Variants in MYBBP1A observed in about 807,000 individuals in gnomAD.
The protein encoded by MYBBP1A is myb-binding protein 1A.
In MYBBP1A, 147 loss-of-function variants were observed where a neutral mutation model predicts 136.3. The ratio of observed to expected loss-of-function variants is 1.08; its 90% CI spans 0.94 to 1.24. The LOEUF (loss-of-function observed/expected upper bound fraction) is 1.24. Among genes scored for constraint, MYBBP1A ranks in the 50% most tolerant of loss-of-function variants. The pLI is 0.00. For missense variants in MYBBP1A, 2,060 were observed against 1,727.4 expected (o/e 1.19, Z -3.41); for synonymous variants, 947 against 735.8 (o/e 1.29, Z -4.65).
chr17:4,540,085 C>T (rs1906226665), intron 25 of MYBBP1A, 118 bp from the exon 26 acceptor site: 1 of 1,291,018 alleles, frequency 7.7e-7, no homozygotes, highest in African/African-American at 1.5e-5. Context: ...TTCTGTGAGG[C>T]CCCTATGAGG....
In MYBBP1A at chr17:4,545,308, C is replaced by G. The variant is rs201338762; in HGVS notation, c.2111G>C (p.Arg704Pro). Residue 704 changes from arginine to proline, a missense_variant, in exon 16 of 26, where the codon CGT becomes CCT. Physicochemically the swap from Arg to Pro is moderately radical, Grantham distance 103. Coordinates refer to ENST00000254718, the MANE Select transcript of MYBBP1A (RefSeq NM_014520.4). ...ATCAGAATCGTCCGTCACCACCACA[C>G]GGTCATTCTCATCCTCACTGGTCTC... Reference protein sequence around the residue: ...NPETSEDENDRVVVTDDSDER... With the variant: ...NPETSEDENDPVVVTDDSDER... 6.2e-7 allele frequency: 1 copy of G among 1,613,234 alleles called. No individual in the cohort carries two copies. Among genetic ancestry groups the G allele is most frequent in the African/African-American group, 1.3e-5 (1 of 74,836 alleles).
rs1271735182 is a variant in MYBBP1A at position 4,544,533 on chromosome 17, G to T, written c.2595C>A (p.Ser865=). The change falls in exon 19 of 26, where the codon TCC becomes TCA. Residue 865 remains serine (S), a synonymous_variant. Coordinates refer to ENST00000254718, the MANE Select transcript of MYBBP1A (RefSeq NM_014520.4). ...TGTGCAGAAGGTCCTGCTCCTGTTT[G>T]GAGCTGCTGCTGCGCAGGCTGCGCC... is the stretch of plus-strand genomic sequence containing the variant. ...IIRRSLRSSS[S]KQEQDLLHKT... 6.4e-7 allele frequency: 1 copy of T among 1,555,516 alleles called. No homozygotes were observed.
At position 4,555,238 on chromosome 17, in the gene MYBBP1A, C is replaced by T. The variant is rs372801967; in HGVS notation, c.87G>A (p.Leu29=). The part of the protein sequence containing the change: ...GARPADRYGL[L]KHSREFLDFF... Reference sequence around the variant, plus strand: ...AGTCCAAGAACTCGCGACTGTGCTTCAATAGGCCATAGCGGTCGGCAGGCC... The same window carrying T: ...AGTCCAAGAACTCGCGACTGTGCTTTAATAGGCCATAGCGGTCGGCAGGCC... Residue 29 remains leucine (L), a synonymous_variant, in exon 1 of 26, where the codon TTG becomes TTA. Coordinates refer to ENST00000254718, the MANE Select transcript of MYBBP1A (RefSeq NM_014520.4). The T allele has an allele frequency of 1.3e-4, 204 of 1,612,374 alleles. 1 individual carries two copies. Among genetic ancestry groups the T allele is most frequent in the Non-Finnish European group, 9.4e-5 (111 of 1,179,714 alleles).
chr17:4,550,378 A>C, intron 8 of MYBBP1A, 25 bp from the exon 9 acceptor site: 1 of 1,588,968 alleles, frequency 6.3e-7, no homozygotes. Context: ...CATGGCGCTG[A>C]GCCCACCAGC....
Position 4,539,929 on chromosome 17 carries a change from G to A in MYBBP1A, c.3473C>T (p.Pro1158Leu). Residue 1158 changes from proline to leucine, a missense_variant, in exon 26 of 26, where the codon CCC (proline) becomes CTC (leucine). Transcript: ENST00000254718. ...KLEKKDAKEIPSATQSPISKK... is the reference protein window; with the variant it reads ...KLEKKDAKEILSATQSPISKK... The stretch of plus-strand genomic sequence containing the variant: ...ACTGATGGGGCTCTGGGTGGCACTG[G>A]GGATCTCCTTGGCATCCTTCTTCTC... 2 of 1,599,668 alleles carry A rather than the reference G, an allele frequency of 1.3e-6. No homozygotes were observed. The highest frequency in any genetic ancestry group is 2.2e-5 in the South Asian group (2 of 91,076).
rs562856808 is a variant in MYBBP1A, at chr17:4,540,274, G to C, written c.3434+74C>G. ...GCGTGTGCAGCAGCGTGTGTGCAGC[G>C]TGTGTGTGTGTGCAGCAGCGTGAGG... On this transcript the variant is annotated intron_variant, in intron 25 of 25. Transcript: ENST00000254718. The C allele has an allele frequency of 4.3e-6, 6 of 1,388,966 alleles. No individual in the cohort carries two copies. In the African/African-American group the frequency reaches 8.6e-5, roughly 20 times the overall value. 86.0% of individuals were successfully genotyped at this position (1,388,966 alleles called of 1,614,324 possible). A position where few individuals can be genotyped will look rare whatever the true frequency, so the allele number is the denominator to read the frequency against.
rs780518071 is a variant in MYBBP1A, at chr17:4,555,101, C to G, written c.198+26G>C. 4.5e-6 allele frequency: 7 copies of G among 1,565,990 alleles called. No homozygotes were observed. The African/African-American group carries it at 9.5e-5, about 21-fold the overall frequency. ...GCTTCCTTGCCGGGATATGCGCAGC[C>G]TCTGCCCCAGACCCCGCCACTCCAC... On this transcript the variant is annotated intron_variant, in intron 1 of 25. Transcript: ENST00000254718.
At chr17:4,544,674 A>C (rs2144448353) in intron 18 of MYBBP1A, 28 bp from the exon 19 acceptor site, 2 of 1,293,872 alleles carry the variant, frequency 1.5e-6, no homozygotes, top group Non-Finnish European at 1.0e-6. Context: ...GGTCAGCAAC[A>C]CGGGGGTGGG....
Position 4,549,303 on chromosome 17 carries a change from G to A in MYBBP1A, c.1430+29C>T, listed in dbSNP as rs200028507. On this transcript the variant is annotated intron_variant, in intron 10 of 25. Transcript: ENST00000254718. ...CCCATTCCTTGGCCACACGCCCATG[G>A]GAAGCTGGGAATCCAGCACAGCTCG... 1.0e-4 allele frequency: 166 copies of A among 1,599,592 alleles called. 1 individual carries two copies. In the African/African-American group the frequency reaches 1.6e-3, roughly 16 times the overall value.
At position 4,540,537 on chromosome 17, in the gene MYBBP1A, G is replaced by A. The variant is rs139046865; in HGVS notation, c.3298-53C>T. On this transcript the variant is annotated intron_variant, in intron 24 of 25. Transcript: ENST00000254718. ...GGGGCCACAGAGGGCGGGGCCTCTC[G>A]CGGGCTCCCAGTCTTCCCACCTCTG... is the stretch of plus-strand genomic sequence containing the variant. The A allele has an allele frequency of 6.3e-3, 9,642 of 1,520,660 alleles. 50 individuals carry two copies. Among genetic ancestry groups the A allele is most frequent in the Middle Eastern group, 9.2e-3 (39 of 4,224 alleles). The allele number at this position is 1,520,660 out of a possible 1,614,324, so 94.2% of individuals were successfully genotyped here.
intron 13 of MYBBP1A, 86 bp downstream of exon 13, chr17:4,547,872 G>C: frequency 1.7e-6 from 2 of 1,184,934 alleles, no homozygotes; most frequent in Non-Finnish European, 2.3e-6. Context: ...CTGGAAACCC[G>C]CACAGCCCTC....
chr17:4,542,873 T>G, intron 20 of MYBBP1A, 40 bp downstream of exon 20: 2 of 1,609,344 alleles, frequency 1.2e-6, no homozygotes, highest in Non-Finnish European at 1.7e-6. Context: ...TCCCTGGCTG[T>G]GAAATGCCTG....
Position 4,539,729 on chromosome 17 carries a change from T to C in MYBBP1A, c.3673A>G (p.Asn1225Asp), listed in dbSNP as rs775755160. The C allele has an allele frequency of 3.7e-6, 6 of 1,610,302 alleles. No homozygotes were observed. The East Asian group carries it at 1.3e-4, about 36-fold the overall frequency. The change falls in exon 26 of 26, where the codon AAC becomes GAC. Residue 1225 changes from asparagine (N) to aspartate (D), a missense_variant. Transcript: ENST00000254718. Reference protein sequence around the residue: ...RTKAKVPAQANGTPTTKSPAP... With the variant: ...RTKAKVPAQADGTPTTKSPAP... ...GGACTCTTGGTGGTTGGCGTCCCGT[T>C]TGCCTGGGCTGGGACCTTAGCCTTT...
Position 4,547,973 on chromosome 17 carries a change from GC to G in MYBBP1A, c.1808del (p.Gly603AlafsTer46). ...GCCCCAGTACCTTGAGGAGGTGGAT[GC>G]CCACGAGGAGCAGAAGGTGCTGGAA... Reference protein sequence around the residue: ...AAFQHLLLLVGIHLLKSPAES... With the variant: ...AAFQHLLLLVXIHLLKSPAES... On this transcript the variant is annotated frameshift_variant, in exon 13 of 26. Coordinates refer to ENST00000254718, the MANE Select transcript of MYBBP1A (RefSeq NM_014520.4). LOFTEE classifies it high-confidence loss of function. 1 of 1,515,550 alleles carries G rather than the reference GC, an allele frequency of 6.6e-7. No individual in the cohort carries two copies. Among genetic ancestry groups the G allele is most frequent in the Non-Finnish European group, 8.9e-7 (1 of 1,128,420 alleles). 93.9% of individuals were successfully genotyped at this position (1,515,550 alleles called of 1,614,324 possible).
In MYBBP1A at chr17:4,548,067, G is replaced by A. The variant is rs575145370; in HGVS notation, c.1725-10C>T. The A allele has an allele frequency of 2.5e-6, 4 of 1,587,002 alleles. No homozygotes were observed. The highest frequency in any genetic ancestry group is 1.1e-5 in the South Asian group (1 of 88,788). ...CAGAGTCTGCAGCATCCTGCGGGGA[G>A]ACAGGCGATTCCCAGGCCCCTGCAC... is the stretch of plus-strand genomic sequence containing the variant. On this transcript the variant is annotated splice_polypyrimidine_tract_variant and intron_variant, in intron 12 of 25. Coordinates refer to ENST00000254718, the MANE Select transcript of MYBBP1A (RefSeq NM_014520.4). The surrounding 1 kb of genome is among the most constrained non-coding windows in gnomAD (Gnocchi z 4.2).
chr17:4,547,024 G>C (rs1907073733), intron 13 of MYBBP1A, among the ~76,000 whole-genome samples: 2 of 151,400 alleles, frequency 1.3e-5, no homozygotes, highest in Non-Finnish European at 2.9e-5. Context: ...CAATTCTCCT[G>C]CTTCACCCTC....
In MYBBP1A at chr17:4,550,462, G is replaced by A. The variant is rs542135176; in HGVS notation, c.1024-109C>T. 207 of 1,254,186 alleles carry A rather than the reference G, an allele frequency of 1.7e-4. No individual in the cohort carries two copies. In the East Asian group the frequency reaches 2.8e-3, roughly 17 times the overall value. The allele number at this position is 1,254,186 out of a possible 1,614,324, so 77.7% of individuals were successfully genotyped here. A position where few individuals can be genotyped will look rare whatever the true frequency, so the allele number is the denominator to read the frequency against. On this transcript the variant is annotated intron_variant, in intron 8 of 25. Transcript: ENST00000254718. ...CAACAGCCCAACAGCCCAACAGCCC[G>A]GGGGCAGGCGGGCAACAGCCCACCA...
At position 4,542,624 on chromosome 17, in the gene MYBBP1A, G is replaced by A. The variant is rs370611519; in HGVS notation, c.3010C>T (p.Arg1004Trp). 3.6e-4 allele frequency: 583 copies of A among 1,613,984 alleles called. 5 individuals are homozygous for A. The South Asian group carries it at 5.6e-3, about 16-fold the overall frequency. The change falls in exon 21 of 26, where the codon CGG becomes TGG. Residue 1004 changes from arginine to tryptophan, a missense_variant. Coordinates refer to ENST00000254718, the MANE Select transcript of MYBBP1A (RefSeq NM_014520.4). ...CAGGCCCCAACACTCACCGGGTGCC[G>A]GGAGAAGAGGCTGAGGAACATGGGA... ...TVPMFLSLFS[R>W]HPVLCQSLLP...
At position 4,542,686 on chromosome 17, in the gene MYBBP1A, C is replaced by T; in HGVS notation, c.2948G>A (p.Ser983Asn). ...GCTGTTGCGCTTGGTCAGGAAGGAG[C>T]TCAGTGCTGTCGAGTACACCCGGGT... is the stretch of plus-strand genomic sequence containing the variant. ...LVTRVYSTAL[S>N]SFLTKRNSPL... The change falls in exon 21 of 26, where the codon AGC (serine) becomes AAC (asparagine). Residue 983 changes from serine (S) to asparagine (N), a missense_variant. Coordinates refer to ENST00000254718, the MANE Select transcript of MYBBP1A (RefSeq NM_014520.4). The T allele has an allele frequency of 6.2e-7, 1 of 1,614,040 alleles. No individual in the cohort carries two copies. Among genetic ancestry groups the T allele is most frequent in the East Asian group, 2.2e-5 (1 of 44,878 alleles).
Sources: gnomAD v4.1 joint callset for allele counts (sites outside exome capture counted in the v4.1 genomes callset) on GRCh38, gnomAD v4.1.1 for gene constraint, Gnocchi (gnomAD v3.1) non-coding constraint, MANE v1.5 for transcripts, NCBI Gene and HGNC (gene_info 2026-07-23, HGNC 2026-07-21) for gene names.